The following PLEKHH2 variants were observed in gnomAD, a reference collection of about 807,000 sequenced individuals.
The protein encoded by PLEKHH2 is pleckstrin homology, MyTH4 and FERM domain containing H2, also known as pleckstrin homology domain-containing family H member 2.
In PLEKHH2, 129 loss-of-function variants were observed where a neutral mutation model predicts 187.9. The ratio of observed to expected loss-of-function variants is 0.69; its 90% CI spans 0.59 to 0.79. PLEKHH2 has a LOEUF of 0.79. Among genes scored for constraint, PLEKHH2 ranks in the 30% least tolerant of loss-of-function variants. PLEKHH2 has a pLI of 0.00. For synonymous variants in PLEKHH2, 686 were observed against 605.6 expected (o/e 1.13, Z -1.95); for missense variants, 2,076 against 1,751.2 (o/e 1.19, Z -3.31).
rs771704416 is a variant in PLEKHH2 at position 43,726,370 on chromosome 2, G to C, written c.2640G>C (p.Leu880=). ...DEDYEASGRS[L]LSTHYTIVIH... is the part of the protein sequence containing the mutation. The stretch of plus-strand genomic sequence containing the variant: ...ATTATGAAGCCAGTGGACGAAGTCT[G>C]TTATCCACACATTATACTATCGTTA... The change falls in exon 17 of 30, where the codon CTG becomes CTC. Residue 880 remains leucine (L), a synonymous_variant. Transcript: ENST00000282406. The C allele has an allele frequency of 2.5e-6, 4 of 1,610,448 alleles. No homozygotes were observed. In the South Asian group the frequency reaches 4.4e-5, roughly 18 times the overall value.
chr2:43,707,681 T>C (rs1460152536), intron 11 of PLEKHH2, 136 bp downstream of exon 11: 1 of 908,758 alleles, frequency 1.1e-6, no homozygotes, highest in African/African-American at 1.7e-5. Context: ...CTTTAGCCTA[T>C]GACTGATATG....
rs1668191309 is a variant in PLEKHH2 at position 43,681,598 on chromosome 2, T to C, written c.186+2673T>C. The C allele has an allele frequency of 6.3e-6, 5 of 789,436 alleles. No individual in the cohort carries two copies. In the Admixed American group the frequency reaches 1.0e-4, roughly 16 times the overall value. 48.9% of individuals were successfully genotyped at this position (789,436 alleles called of 1,614,324 possible). The stretch of plus-strand genomic sequence containing the variant: ...CGGCACTCATGACTAGTGCCTCTTT[T>C]TGGAGCTGTACACGATATGACACAA... On this transcript the variant is annotated intron_variant, in intron 3 of 29. Coordinates refer to ENST00000282406, the MANE Select transcript of PLEKHH2 (RefSeq NM_172069.4).
Position 43,742,907 on chromosome 2 carries a change from G to A in PLEKHH2, c.3388G>A (p.Gly1130Arg). The change falls in exon 22 of 30, where the codon GGG becomes AGG. Residue 1130 changes from glycine to arginine, a missense_variant. Physicochemically the swap from Gly to Arg is moderately radical, Grantham distance 125 (BLOSUM62 -2). Coordinates refer to ENST00000282406, the MANE Select transcript of PLEKHH2 (RefSeq NM_172069.4). Reference sequence around the variant, plus strand: ...TAGTATACCTGTGCACTTCATGAATGGGATATACCAGGTAGGTTACCTGAT... The same window carrying A: ...TAGTATACCTGTGCACTTCATGAATAGGATATACCAGGTAGGTTACCTGAT... Reference protein sequence around the residue: ...PFSIPVHFMNGIYQVVGFDAS... With the variant: ...PFSIPVHFMNRIYQVVGFDAS... 1 of 1,545,114 alleles carries A rather than the reference G, an allele frequency of 6.5e-7. No homozygotes were observed. The highest frequency in any genetic ancestry group is 8.7e-7 in the Non-Finnish European group (1 of 1,148,346).
chr2:43,676,064 G>C, intron 2 of PLEKHH2: 2 of 1,613,866 alleles, frequency 1.2e-6, no homozygotes, highest in Non-Finnish European at 1.7e-6. Flanking sequence ...GTCTCTTTCA[G>C]TACAGCCCAG....
chr2:43,691,801 G>A (rs1668809791), intron 3 of PLEKHH2, among the ~76,000 whole-genome samples: 1 of 152,174 alleles, frequency 6.6e-6, no homozygotes, highest in African/African-American at 2.4e-5. Flanking sequence ...GGGATTACAG[G>A]TGTGAGCCAC....
rs534046953 is a variant in PLEKHH2, at chr2:43,684,819, CAAAAAAAAA to C, written c.186+5903_186+5911del. 4.8e-3 allele frequency among the ~76,000 whole-genome samples: 522 copies of C among 109,806 alleles called. 4 individuals are homozygous for C. The highest frequency in any genetic ancestry group is 0.014 in the African/African-American group (480 of 33,306). The allele number at this position is 109,806 out of a possible 152,430, so 72.0% of individuals were successfully genotyped here. ...TTAGACATACTGCTACTCCCATTAC[CAAAAAAAAA>C]AAAAAAAAGAGAGAGAATTACAAAT... On this transcript the variant is annotated intron_variant, in intron 3 of 29. Coordinates refer to ENST00000282406, the MANE Select transcript of PLEKHH2 (RefSeq NM_172069.4).
At position 43,746,752 on chromosome 2, in the gene PLEKHH2, C is replaced by T. The variant is rs139952616; in HGVS notation, c.3653+789C>T. On this transcript the variant is annotated intron_variant, in intron 24 of 29. Transcript: ENST00000282406. ...TTGGGAGGCCGAGGCAGGTGGATCA[C>T]GAGGTCAGGAGATCGAGACCATCCT... is the stretch of plus-strand genomic sequence containing the variant. Among the ~76,000 whole-genome samples, 798 of 151,954 alleles carry T rather than the reference C, an allele frequency of 5.3e-3. 7 individuals carry two copies. Among genetic ancestry groups the T allele is most frequent in the African/African-American group, 0.018 (729 of 41,460 alleles).
chr2:43,647,954 A>G (rs1439934104), intron 2 of PLEKHH2, among the ~76,000 whole-genome samples: 1 of 152,210 alleles, frequency 6.6e-6, no homozygotes, highest in Admixed American at 6.5e-5. Flanking sequence ...GCAACCATCA[A>G]CTAGTTTAAA....
chr2:43,744,824 C>T (rs1270959653), intron 23 of PLEKHH2, among the ~76,000 whole-genome samples: 4 of 145,466 alleles, frequency 2.7e-5, no homozygotes, highest in Admixed American at 7.0e-5. Flanking sequence ...GCCGTGATCA[C>T]GCCACTGCAC....
At chr2:43,667,051 T>A (rs1286249497) in intron 2 of PLEKHH2, among the ~76,000 whole-genome samples, 1 of 152,216 alleles carries the variant, frequency 6.6e-6, no homozygotes, top group African/African-American at 2.4e-5. Context: ...TTTTTTTGGT[T>A]CATGCTTTTA....
chr2:43,742,774 G>A lies in PLEKHH2; in HGVS notation c.3255G>A (p.Gln1085=), dbSNP rs1407657372. The change falls in exon 22 of 30, where the codon CAG becomes CAA. Residue 1085 remains glutamine, a synonymous_variant. Coordinates refer to ENST00000282406, the MANE Select transcript of PLEKHH2 (RefSeq NM_172069.4). ...TEFGKYAIYC[Q]RCVERTQQNG... is the part of the protein sequence containing the mutation. ...TTGGAAAATATGCCATTTACTGCCA[G>A]CGTTGTGTAGAAAGAACGCAACAAA... is the stretch of plus-strand genomic sequence containing the variant. The A allele has an allele frequency of 6.3e-7, 1 of 1,597,420 alleles. No individual in the cohort carries two copies. Among genetic ancestry groups the A allele is most frequent in the Non-Finnish European group, 8.5e-7 (1 of 1,174,324 alleles).
intron 29 of PLEKHH2, among the ~76,000 whole-genome samples, chr2:43,764,811 G>T (rs981293067): frequency 5.9e-5 from 9 of 152,130 alleles, no homozygotes; most frequent in Non-Finnish European, 1.2e-4. Context: ...GCTCCTTTAC[G>T]ACTTTTAACA....
At chr2:43,658,882 G>C (rs564908907) in intron 2 of PLEKHH2, 1 of 152,116 alleles carries the variant, frequency 6.6e-6, no homozygotes, top group Non-Finnish European at 1.5e-5. Flanking sequence ...GGATCATTGC[G>C]AGACATTTAG....
At chr2:43,696,655 C>G (rs777744115) in intron 6 of PLEKHH2, among the ~76,000 whole-genome samples, 6 of 152,196 alleles carry the variant, frequency 3.9e-5, no homozygotes, top group African/African-American at 1.4e-4. Context: ...ACCTCCCCAT[C>G]TACTTTTTTC....
chr2:43,675,782 C>CA lies in PLEKHH2; in HGVS notation c.124-3080dup, dbSNP rs759792033. On this transcript the variant is annotated intron_variant, in intron 2 of 29. Coordinates refer to ENST00000282406, the MANE Select transcript of PLEKHH2 (RefSeq NM_172069.4). ...CTGCTTAAGACAATCCCTCCTTCCA[C>CA]AGTCACGTATTCGAGGTCTCCAAAT... is the stretch of plus-strand genomic sequence containing the variant. 1.9e-6 allele frequency: 3 copies of CA among 1,613,552 alleles called. No homozygotes were observed. In the African/African-American group the frequency reaches 4.0e-5, roughly 22 times the overall value.
At chr2:43,679,973 A>T (rs1668085054) in intron 3 of PLEKHH2, among the ~76,000 whole-genome samples, 1 of 151,820 alleles carries the variant, frequency 6.6e-6, no homozygotes, top group African/African-American at 2.4e-5. Flanking sequence ...GACAACTTTT[A>T]TTATTTTTAA....
rs144597713 is a variant in PLEKHH2 at position 43,726,941 on chromosome 2, A to G, written c.2721+490A>G. Among the ~76,000 whole-genome samples, 403 of 150,422 alleles carry G rather than the reference A, an allele frequency of 2.7e-3. 1 individual carries two copies. Among genetic ancestry groups the G allele is most frequent in the African/African-American group, 9.6e-3 (383 of 39,762 alleles). On this transcript the variant is annotated intron_variant, in intron 17 of 29. Transcript: ENST00000282406. ...TTCTTATATATTGAGGAAATTGGCT[A>G]CTTAGGAAACATTAGTTTTTCATCT...
chr2:43,671,242 C>T lies in PLEKHH2; in HGVS notation c.124-7621C>T, dbSNP rs553214250. 8.5e-5 allele frequency among the ~76,000 whole-genome samples: 13 copies of T among 152,260 alleles called. No individual in the cohort carries two copies. In the South Asian group the frequency reaches 2.7e-3, roughly 32 times the overall value. On this transcript the variant is annotated intron_variant, in intron 2 of 29. Coordinates refer to ENST00000282406, the MANE Select transcript of PLEKHH2 (RefSeq NM_172069.4). The stretch of plus-strand genomic sequence containing the variant: ...CCTCAGGTTATCCACCCACCTCGGC[C>T]TCCCAAAGTGCTGGGATTACAGGTG...
At chr2:43,734,854 T>C (rs987808026) in intron 19 of PLEKHH2, among the ~76,000 whole-genome samples, 2 of 152,182 alleles carry the variant, frequency 1.3e-5, no homozygotes, top group Non-Finnish European at 2.9e-5. Flanking sequence ...ACCTAAGTGT[T>C]CATCAGTAGA....
Sources: gnomAD v4.1 joint callset for allele counts (sites outside exome capture counted in the v4.1 genomes callset) on GRCh38, gnomAD v4.1.1 for gene constraint, MANE v1.5 for transcripts, NCBI Gene and HGNC (gene_info 2026-07-23, HGNC 2026-07-21) for gene names.